Variants in PITPNC1 observed in about 807,000 individuals in gnomAD.
PITPNC1 encodes the protein phosphatidylinositol transfer protein cytoplasmic 1.
In PITPNC1, 18 loss-of-function variants were observed where a neutral mutation model predicts 44.7. The ratio of observed to expected loss-of-function variants is 0.40; its 90% CI spans 0.28 to 0.60. The LOEUF is 0.60. PITPNC1 is among the 20% of genes least tolerant of loss of function. The pLI is 0.39. For synonymous variants in PITPNC1, 141 were observed against 149.6 expected (o/e 0.94, Z 0.42); for missense variants, 290 against 418.4 (o/e 0.69, Z 2.68).
chr17:67,381,668 G>T (rs1297244237), intron 1 of PITPNC1, among the ~76,000 whole-genome samples: 1 of 151,426 alleles, frequency 6.6e-6, no homozygotes, highest in African/African-American at 2.4e-5. Flanking sequence ...GGGTTTCACC[G>T]TGTTAGCCAG....
chr17:67,486,357 A>G (rs1384047405), intron 1 of PITPNC1, among the ~76,000 whole-genome samples: 1 of 152,190 alleles, frequency 6.6e-6, no homozygotes, highest in Non-Finnish European at 1.5e-5. Context: ...ATTCTATTAC[A>G]TCTGATGCTT....
In PITPNC1 at chr17:67,692,960, TAGAGAA is replaced by T; in HGVS notation, c.*74_*79del. 2.0e-6 allele frequency: 2 copies of T among 1,004,432 alleles called. No homozygotes were observed. The highest frequency in any genetic ancestry group is 2.4e-5 in the East Asian group (1 of 41,842). The allele number at this position is 1,004,432 out of a possible 1,614,324, so 62.2% of individuals were successfully genotyped here. The stretch of plus-strand genomic sequence containing the variant: ...TTGTTTTTTTTTAAGAATCTTCTGA[TAGAGAA>T]AAAGACTGCTTTGTCACTCAAACAT... On this transcript the variant is annotated 3_prime_UTR_variant, in exon 9 of 9. Transcript: ENST00000581322.
chr17:67,552,091 A>T (rs977581109), intron 2 of PITPNC1, among the ~76,000 whole-genome samples, 166 bp from the exon 3 acceptor site: 2 of 152,236 alleles, frequency 1.3e-5, no homozygotes, highest in Non-Finnish European at 2.9e-5. Context: ...TGCACGGGAA[A>T]AAGTTAACTA....
chr17:67,686,501 A>ACT (rs2042818775), intron 8 of PITPNC1, among the ~76,000 whole-genome samples: 2 of 151,776 alleles, frequency 1.3e-5, no homozygotes, highest in South Asian at 4.2e-4. Flanking sequence ...ATAGACCTGC[A>ACT]CTCTCTGACG....
At chr17:67,528,267 C>CCTGA (rs1182987087) in intron 1 of PITPNC1, among the ~76,000 whole-genome samples, 2 of 152,154 alleles carry the variant, frequency 1.3e-5, no homozygotes, top group Admixed American at 1.3e-4. Flanking sequence ...GTCTTGAACC[C>CCTGA]CTGACCTCAG....
chr17:67,600,755 C>A (rs1245962534), intron 5 of PITPNC1, among the ~76,000 whole-genome samples: 1 of 151,154 alleles, frequency 6.6e-6, no homozygotes, highest in Non-Finnish European at 1.5e-5. Flanking sequence ...TAGGTTGGTG[C>A]AAAAGTAATT....
chr17:67,448,318 G>C lies in PITPNC1; in HGVS notation c.48+70116G>C, dbSNP rs547118827. ...AATTTAGGTGTTTTCATTTGCTTTT[G>C]GTCACAGTCTTTATGTGTCACTGAG... On this transcript the variant is annotated intron_variant, in intron 1 of 8. Coordinates refer to ENST00000581322, the MANE Select transcript of PITPNC1 (RefSeq NM_012417.4). Among the ~76,000 whole-genome samples, 8 of 151,960 alleles carry C rather than the reference G, an allele frequency of 5.3e-5. No homozygotes were observed. The South Asian group carries it at 1.5e-3, about 28-fold the overall frequency.
intron 2 of PITPNC1, among the ~76,000 whole-genome samples, chr17:67,549,468 C>T (rs1201565966): frequency 1.3e-5 from 2 of 152,146 alleles, no homozygotes; most frequent in Non-Finnish European, 2.9e-5. Flanking sequence ...CATTGATTAT[C>T]GTGCTGCATA....
At chr17:67,420,082 G>A (rs571942949) in intron 1 of PITPNC1, among the ~76,000 whole-genome samples, 42 of 152,302 alleles carry the variant, frequency 2.8e-4, no homozygotes, top group African/African-American at 9.9e-4. Context: ...TCCCTGAGGG[G>A]TGGTAGAAAC....
At chr17:67,512,997 G>A (rs1215745157) in intron 1 of PITPNC1, among the ~76,000 whole-genome samples, 1 of 151,962 alleles carries the variant, frequency 6.6e-6, no homozygotes, top group Non-Finnish European at 1.5e-5. Flanking sequence ...TCTAGTAGGG[G>A]AGACAGATAT....
chr17:67,410,348 G>A (rs1258999795), intron 1 of PITPNC1, among the ~76,000 whole-genome samples: 1 of 152,054 alleles, frequency 6.6e-6, no homozygotes, highest in Non-Finnish European at 1.5e-5. Context: ...TATTAATGTG[G>A]ACCTTAAACA....
chr17:67,405,169 C>T (rs1567977116), intron 1 of PITPNC1, among the ~76,000 whole-genome samples: 1 of 152,058 alleles, frequency 6.6e-6, no homozygotes, highest in East Asian at 1.9e-4. Context: ...ATCACTTGAA[C>T]CCAGGAGTTG....
chr17:67,689,855 A>T (rs918064274), intron 8 of PITPNC1, among the ~76,000 whole-genome samples: 1 of 152,220 alleles, frequency 6.6e-6, no homozygotes, highest in Non-Finnish European at 1.5e-5. Context: ...ACATACCCTG[A>T]TACACTAAAA....
chr17:67,415,602 T>G (rs2038575489), intron 1 of PITPNC1, among the ~76,000 whole-genome samples: 1 of 152,230 alleles, frequency 6.6e-6, no homozygotes, highest in Non-Finnish European at 1.5e-5. Context: ...TTTTATTGCC[T>G]TGGTTCTCTC....
intron 5 of PITPNC1, among the ~76,000 whole-genome samples, chr17:67,631,461 C>G (rs2041965633): frequency 7.3e-6 from 1 of 137,578 alleles, no homozygotes; most frequent in Non-Finnish European, 1.6e-5. Context: ...AACCCCGTCT[C>G]TACTAAAAAT....
intron 1 of PITPNC1, among the ~76,000 whole-genome samples, chr17:67,475,614 T>C (rs1465514476): frequency 6.6e-6 from 1 of 152,122 alleles, no homozygotes; most frequent in African/African-American, 2.4e-5. Flanking sequence ...ACTGATGCCC[T>C]TTGCTGCGAG....
chr17:67,384,180 T>C (rs188554563), intron 1 of PITPNC1, among the ~76,000 whole-genome samples: 11 of 151,604 alleles, frequency 7.3e-5, no homozygotes, highest in Admixed American at 2.6e-4. Flanking sequence ...TGCAGAAAAA[T>C]AGAAACACTC....
At chr17:67,553,390 A>T in intron 3 of PITPNC1, 1 of 368,032 alleles carries the variant, frequency 2.7e-6, no homozygotes, top group South Asian at 1.1e-4. Context: ...ATCTTGTCTT[A>T]CTGTTCTTAT....
In PITPNC1 at chr17:67,697,084, G is replaced by A. The variant is rs2043022020; in HGVS notation, c.*4196G>A. The A allele has an allele frequency of 1.3e-5, 2 of 152,032 alleles. No individual in the cohort carries two copies. Among genetic ancestry groups the A allele is most frequent in the Admixed American group, 6.6e-5 (1 of 15,254 alleles). The allele number at this position is 152,032 out of a possible 1,614,324, so 9.4% of individuals were successfully genotyped here. A position where few individuals can be genotyped will look rare whatever the true frequency, so the allele number is the denominator to read the frequency against. On this transcript the variant is annotated 3_prime_UTR_variant, in exon 9 of 9. Coordinates refer to ENST00000581322, the MANE Select transcript of PITPNC1 (RefSeq NM_012417.4). ...TGCCACTGCTGAAGGACCAGGTGTT[G>A]GAATACACAGCATTACAGACTATAA...
Sources: gnomAD v4.1 joint callset for allele counts (sites outside exome capture counted in the v4.1 genomes callset) on GRCh38, gnomAD v4.1.1 for gene constraint, MANE v1.5 for transcripts, NCBI Gene and HGNC (gene_info 2026-07-23, HGNC 2026-07-21) for gene names.